The following STK4 variants were observed in gnomAD, a reference collection of about 807,000 sequenced individuals.
The protein encoded by STK4 is serine/threonine kinase 4.
In STK4, 30 loss-of-function variants were observed where a neutral mutation model predicts 64.9. The observed-to-expected ratio is 0.46, with a 90% CI of 0.35 to 0.63. The LOEUF is 0.63. Ranked by LOEUF, STK4 falls within the 20% of genes least tolerant of loss-of-function variation. The probability of loss-of-function intolerance (pLI) is 0.01; values close to 1 mark genes in which losing one functional copy is unlikely to be tolerated. For synonymous variants in STK4, 177 were observed against 199.0 expected (o/e 0.89, Z 0.93); for missense variants, 466 against 598.5 (o/e 0.78, Z 2.31).
intron 9 of STK4, 113 bp from the exon 10 acceptor site, chr20:45,024,860 C>T (rs2068315097): frequency 9.1e-7 from 1 of 1,098,912 alleles, no homozygotes; most frequent in Non-Finnish European, 1.2e-6. Context: ...CTTTATCTAA[C>T]AGAAATATCC....
At position 45,062,989 on chromosome 20, in the gene STK4, C is replaced by CTTTTTTTTTTTTTTTTTTTTTTT. The variant is rs71197599; in HGVS notation, c.1306-12021_1306-11999dup. On this transcript the variant is annotated intron_variant, in intron 10 of 10. Transcript: ENST00000372806. ...ACAGGTGTGAGCCACCGCACCCGGC[C>CTTTTTTTTTTTTTTTTTTTTTTT]TTTTTTTTTTTTTTTTTTTTTTTTT... 1.3e-4 allele frequency among the ~76,000 whole-genome samples: 4 copies of CTTTTTTTTTTTTTTTTTTTTTTT among 31,500 alleles called. 1 individual carries two copies. Among genetic ancestry groups the CTTTTTTTTTTTTTTTTTTTTTTT allele is most frequent in the Non-Finnish European group, 2.3e-4 (4 of 17,128 alleles). 20.7% of individuals were successfully genotyped at this position (31,500 alleles called of 152,430 possible). A position where few individuals can be genotyped will look rare whatever the true frequency, so the allele number is the denominator to read the frequency against.
chr20:44,998,210 C>A (rs989394671), intron 7 of STK4, among the ~76,000 whole-genome samples: 5 of 152,134 alleles, frequency 3.3e-5, no homozygotes, highest in African/African-American at 1.2e-4. Context: ...ATGTGGCAGG[C>A]AGTATGCTTA....
chr20:45,061,872 C>CTTTTTTTTTTTTTTTTTTTTTTT (rs71197598), intron 10 of STK4, among the ~76,000 whole-genome samples: 6 of 115,114 alleles, frequency 5.2e-5, no homozygotes, highest in Admixed American at 8.9e-5. Flanking sequence ...TCTTCTTCTT[C>CTTTTTTTTTTTTTTTTTTTTTTT]TTTTTTTTTT....
At chr20:45,029,448 C>T (rs2068408243) in intron 10 of STK4, among the ~76,000 whole-genome samples, 2 of 152,176 alleles carry the variant, frequency 1.3e-5, no homozygotes, top group South Asian at 4.1e-4. Flanking sequence ...ATAAAAGTCT[C>T]TTACAGAAAA....
Position 45,075,348 on chromosome 20 carries a change from C to A in STK4, c.*172C>A. On this transcript the variant is annotated 3_prime_UTR_variant, in exon 11 of 11. Coordinates refer to ENST00000372806, the MANE Select transcript of STK4 (RefSeq NM_006282.5). ...GCTCTCTTGACAGTCAGCGTGCCAT[C>A]TTGATGTGTGTATGTACATTGGTCA... The A allele has an allele frequency of 1.3e-6, 1 of 776,824 alleles. No individual in the cohort carries two copies. Among genetic ancestry groups the A allele is most frequent in the Non-Finnish European group, 2.0e-6 (1 of 495,198 alleles). The allele number at this position is 776,824 out of a possible 1,614,324, so 48.1% of individuals were successfully genotyped here. A position where few individuals can be genotyped will look rare whatever the true frequency, so the allele number is the denominator to read the frequency against.
At chr20:45,024,877 C>T in intron 9 of STK4, 96 bp from the exon 10 acceptor site, 1 of 1,227,704 alleles carries the variant, frequency 8.1e-7, no homozygotes, top group Non-Finnish European at 1.1e-6. Flanking sequence ...ATCCACTGAT[C>T]CAGAGATTGT....
intron 10 of STK4, among the ~76,000 whole-genome samples, chr20:45,049,246 C>A (rs895008650): frequency 2.6e-5 from 4 of 152,072 alleles, no homozygotes; most frequent in African/African-American, 9.7e-5. Context: ...CTTCCATTTG[C>A]CCTTTACTTA....
intron 10 of STK4, among the ~76,000 whole-genome samples, chr20:45,029,427 T>C (rs1473779825): frequency 6.6e-6 from 1 of 152,246 alleles, no homozygotes; most frequent in African/African-American, 2.4e-5. Flanking sequence ...AATGTTAAGA[T>C]AATTTACTTA....
intron 10 of STK4, among the ~76,000 whole-genome samples, chr20:45,063,615 T>G (rs969542754): frequency 2.0e-5 from 3 of 152,186 alleles, no homozygotes; most frequent in African/African-American, 7.2e-5. Flanking sequence ...CATTTGTTGA[T>G]TTTTGTTTTT....
chr20:45,066,103 A>T (rs1979542267), intron 10 of STK4, among the ~76,000 whole-genome samples: 2 of 152,074 alleles, frequency 1.3e-5, no homozygotes, highest in Non-Finnish European at 2.9e-5. Context: ...TATCATAGGT[A>T]TATATGTATA....
rs745499210 is a variant in STK4 at position 45,075,086 on chromosome 20, G to A, written c.1374G>A (p.Glu458=). The change falls in exon 11 of 11, where the codon GAG becomes GAA. Residue 458 remains glutamate (E), a synonymous_variant. Coordinates refer to ENST00000372806, the MANE Select transcript of STK4 (RefSeq NM_006282.5). ...CCCTGGACCCCATGATGGAGCAGGA[G>A]ATTGAAGAGATCCGGCAGAAGTACC... ...LLALDPMMEQ[E]IEEIRQKYQS... is the part of the protein sequence containing the mutation. The A allele has an allele frequency of 4.3e-6, 7 of 1,614,108 alleles. No homozygotes were observed. Among genetic ancestry groups the A allele is most frequent in the Non-Finnish European group, 5.9e-6 (7 of 1,180,060 alleles).
chr20:45,009,625 G>C (rs2145716871), intron 9 of STK4, among the ~76,000 whole-genome samples: 1 of 152,294 alleles, frequency 6.6e-6, no homozygotes, highest in Non-Finnish European at 1.5e-5. Context: ...GCTTCGGAGA[G>C]TATATACATT....
chr20:45,029,474 A>C (rs2068408412), intron 10 of STK4, among the ~76,000 whole-genome samples: 1 of 152,240 alleles, frequency 6.6e-6, no homozygotes, highest in African/African-American at 2.4e-5. Context: ...AAACTAAGCA[A>C]TAAAATTGAG....
intron 10 of STK4, among the ~76,000 whole-genome samples, chr20:45,053,575 T>G (rs1225242516): frequency 3.9e-5 from 6 of 152,190 alleles, no homozygotes; most frequent in Non-Finnish European, 8.8e-5. Flanking sequence ...TCCTAGCACC[T>G]TAGGCCCTAG....
At chr20:45,054,649 C>G (rs1021976050) in intron 10 of STK4, among the ~76,000 whole-genome samples, 1 of 150,594 alleles carries the variant, frequency 6.6e-6, no homozygotes, top group African/African-American at 2.5e-5. Context: ...TGATTTCAAC[C>G]ACTTGCGGGC....
chr20:45,048,449 A>G (rs538338389), intron 10 of STK4, among the ~76,000 whole-genome samples: 5 of 152,018 alleles, frequency 3.3e-5, no homozygotes, highest in African/African-American at 1.2e-4. Flanking sequence ...TAAGAGGAAG[A>G]CCTACACTTA....
chr20:45,061,188 G>A (rs6017478), intron 10 of STK4, among the ~76,000 whole-genome samples: 79,441 of 152,032 alleles, frequency 0.52, 21,963 homozygotes, highest in African/African-American at 0.68. Flanking sequence ...AAGTCGTAAA[G>A]GCTCATGCCA....
chr20:44,973,623 T>C (rs1303568319), intron 2 of STK4, among the ~76,000 whole-genome samples: 2 of 152,242 alleles, frequency 1.3e-5, no homozygotes, highest in Admixed American at 1.3e-4. Context: ...TCATTTCTAA[T>C]ACAGTTTGCT....
intron 6 of STK4, among the ~76,000 whole-genome samples, chr20:44,995,558 A>T (rs776380861): frequency 1.5e-5 from 2 of 137,510 alleles, no homozygotes; most frequent in Non-Finnish European, 3.0e-5. Context: ...GTGAGCTGAG[A>T]TCGTGACACT....
Sources: gnomAD v4.1 joint callset for allele counts (sites outside exome capture counted in the v4.1 genomes callset) on GRCh38, gnomAD v4.1.1 for gene constraint, MANE v1.5 for transcripts, NCBI Gene and HGNC (gene_info 2026-07-23, HGNC 2026-07-21) for gene names.